The following SNX29 variants were observed in gnomAD, a reference collection of about 807,000 sequenced individuals.
SNX29 encodes the protein sorting nexin-29.
A neutral mutation model predicts 102.1 loss-of-function variants in SNX29; 78 were observed. That is an observed-to-expected ratio of 0.76 (90% CI 0.64 to 0.92). The LOEUF is 0.92. Among genes scored for constraint, SNX29 ranks in the 40% least tolerant of loss-of-function variants. SNX29 has a pLI of 0.00. For synonymous variants in SNX29, 580 were observed against 414.5 expected, an observed-to-expected ratio of 1.40 and a Z score of -4.85; for missense variants, 1,280 against 1,061.7, an observed-to-expected ratio of 1.21 and a Z score of -2.86.
chr16:12,403,887 C>T (rs959053344), intron 18 of SNX29, among the ~76,000 whole-genome samples: 11 of 152,150 alleles, frequency 7.2e-5, no homozygotes, highest in African/African-American at 2.7e-4. Context: ...GAACCTGCTG[C>T]CATATCCTGT....
chr16:12,029,315 T>C (rs1194629732), intron 4 of SNX29, among the ~76,000 whole-genome samples: 1 of 152,194 alleles, frequency 6.6e-6, no homozygotes, highest in African/African-American at 2.4e-5. Flanking sequence ...CGTGCAGTAC[T>C]GTATTTCATG....
chr16:12,139,980 C>CAAA (rs59169166), intron 13 of SNX29, among the ~76,000 whole-genome samples: 1,754 of 87,708 alleles, frequency 0.02, 72 homozygotes, highest in African/African-American at 0.059. Context: ...TACCCTGTCT[C>CAAA]AAAAAAAAAA....
At chr16:12,205,657 T>C (rs916593479) in intron 14 of SNX29, among the ~76,000 whole-genome samples, 11 of 152,236 alleles carry the variant, frequency 7.2e-5, no homozygotes, top group African/African-American at 2.7e-4. Flanking sequence ...TCCATTCAGA[T>C]ACCACCTCCT....
chr16:12,567,710 TATC>T (rs555792551), intron 20 of SNX29, among the ~76,000 whole-genome samples: 12 of 152,108 alleles, frequency 7.9e-5, no homozygotes, highest in Admixed American at 2.6e-4. Flanking sequence ...TGCAGCAAGT[TATC>T]ATTACACGAT....
chr16:11,983,077 T>C (rs1596523119), intron 1 of SNX29, among the ~76,000 whole-genome samples: 1 of 151,970 alleles, frequency 6.6e-6, no homozygotes, highest in Non-Finnish European at 1.5e-5. Flanking sequence ...ATTACGGGCG[T>C]GCACCACCAC....
intron 20 of SNX29, among the ~76,000 whole-genome samples, chr16:12,530,537 C>G (rs1001998800): frequency 7.2e-6 from 1 of 138,162 alleles, no homozygotes; most frequent in East Asian, 2.5e-4. Context: ...TGAAATTTGC[C>G]TTCGTTTTTT....
chr16:12,364,841 C>T (rs1478697494), intron 16 of SNX29, among the ~76,000 whole-genome samples: 2 of 152,202 alleles, frequency 1.3e-5, no homozygotes, highest in South Asian at 2.1e-4. Flanking sequence ...AACCACTGCC[C>T]TGACTCCAAG....
chr16:12,322,690 C>T (rs371739813), intron 15 of SNX29, among the ~76,000 whole-genome samples: 2 of 151,914 alleles, frequency 1.3e-5, no homozygotes, highest in African/African-American at 2.4e-5. Flanking sequence ...AGGACGCGGT[C>T]GCTGGGGACC....
At chr16:12,355,015 A>C (rs1338068520) in intron 15 of SNX29, among the ~76,000 whole-genome samples, 1 of 152,156 alleles carries the variant, frequency 6.6e-6, no homozygotes, top group African/African-American at 2.4e-5. Context: ...TCACAGAGCA[A>C]GTTACTGGAA....
intron 18 of SNX29, among the ~76,000 whole-genome samples, chr16:12,473,430 C>T (rs1393416918): frequency 6.6e-6 from 1 of 152,174 alleles, no homozygotes; most frequent in African/African-American, 2.4e-5. Context: ...GCCTGGGCTT[C>T]AGGGGAACGA....
At chr16:12,234,204 T>A (rs1429690415) in intron 14 of SNX29, among the ~76,000 whole-genome samples, 1 of 152,110 alleles carries the variant, frequency 6.6e-6, no homozygotes, top group Non-Finnish European at 1.5e-5. Flanking sequence ...ACCAAACACT[T>A]GTTATTGTCT....
intron 20 of SNX29, among the ~76,000 whole-genome samples, chr16:12,561,734 A>C (rs2078736042): frequency 6.6e-6 from 1 of 152,098 alleles, no homozygotes; most frequent in African/African-American, 2.4e-5. Flanking sequence ...AGCAGCAGGG[A>C]GGATGGAGAT....
chr16:12,050,443 T>C (rs753432661), intron 7 of SNX29, among the ~76,000 whole-genome samples: 1 of 152,202 alleles, frequency 6.6e-6, no homozygotes, highest in South Asian at 2.1e-4. Flanking sequence ...GTTCGTTACT[T>C]TTTTGTGTGG....
chr16:12,491,078 A>G (rs1006834784), intron 19 of SNX29, among the ~76,000 whole-genome samples: 1 of 152,244 alleles, frequency 6.6e-6, no homozygotes, highest in Admixed American at 6.5e-5. Context: ...AGATGTATTC[A>G]TTTAGATGCA....
intron 20 of SNX29, among the ~76,000 whole-genome samples, chr16:12,553,554 T>A (rs1277335278): frequency 6.6e-6 from 1 of 152,046 alleles, no homozygotes; most frequent in East Asian, 1.9e-4. Context: ...TGCAGGGAGC[T>A]AAGCAGGAGC....
intron 17 of SNX29, among the ~76,000 whole-genome samples, chr16:12,399,790 A>C (rs980274802): frequency 6.6e-6 from 1 of 152,142 alleles, no homozygotes; most frequent in East Asian, 1.9e-4. Flanking sequence ...TGAGAGGTGA[A>C]GGATGAAAAT....
At chr16:12,205,893 C>G (rs1166573392) in intron 14 of SNX29, among the ~76,000 whole-genome samples, 2 of 152,190 alleles carry the variant, frequency 1.3e-5, no homozygotes, top group Non-Finnish European at 2.9e-5. Context: ...GACACGTGCT[C>G]TATAAATGTT....
At chr16:11,987,263 C>A (rs987484478) in intron 1 of SNX29, among the ~76,000 whole-genome samples, 1 of 151,588 alleles carries the variant, frequency 6.6e-6, no homozygotes. Flanking sequence ...AGAGACGAGG[C>A]CTTACTATGT....
chr16:12,488,876 C>T (rs1055905117), intron 19 of SNX29, among the ~76,000 whole-genome samples: 1 of 152,224 alleles, frequency 6.6e-6, no homozygotes, highest in Non-Finnish European at 1.5e-5. Context: ...TCACTCATTT[C>T]AGGCTGAGTT....
Sources: allele counts gnomAD v4.1 joint callset (sites outside exome capture counted in the v4.1 genomes callset), GRCh38; gene constraint gnomAD v4.1.1; transcripts MANE v1.5; gene names NCBI Gene and HGNC (gene_info 2026-07-23, HGNC 2026-07-21).